SDK1: variants seen among roughly 807,000 people sequenced by gnomAD.
SDK1 encodes protein sidekick-1.
Under a neutral mutation model 245.5 loss-of-function variants are expected in SDK1, and 157 were observed. That is an observed-to-expected ratio of 0.64 (90% CI 0.56 to 0.73). The LOEUF is 0.73. Among genes scored for constraint, SDK1 ranks in the 30% least tolerant of loss-of-function variants. The probability of loss-of-function intolerance (pLI) is 0.00; values close to 1 mark genes in which losing one functional copy is unlikely to be tolerated. For missense variants in SDK1, 3,583 were observed against 3,002.3 expected (o/e 1.19, Z -4.52); for synonymous variants, 1,647 against 1,278.5 (o/e 1.29, Z -6.15).
intron 1 of SDK1, among the ~76,000 whole-genome samples, chr7:3,556,214 A>G (rs568199223): frequency 4.2e-4 from 59 of 141,306 alleles, no homozygotes; most frequent in African/African-American, 1.5e-3. Flanking sequence ...ATACATATAC[A>G]CGATGGAGTA....
At chr7:3,760,405 C>G (rs1780064069) in intron 4 of SDK1, among the ~76,000 whole-genome samples, 1 of 152,140 alleles carries the variant, frequency 6.6e-6, no homozygotes, top group Non-Finnish European at 1.5e-5. Context: ...AGCTCTTATT[C>G]TTGTGTGACT....
At position 4,265,619 on chromosome 7, in the gene SDK1, A is replaced by C; in HGVS notation, c.*235A>C. ...GTTTGTTTCTTTTTCTTTTCTTTTT[A>C]AGAGAAGGTGTATTTCACTGGTGCA... On this transcript the variant is annotated 3_prime_UTR_variant, in exon 45 of 45. Transcript: ENST00000404826. 1 of 1,325,034 alleles carries C rather than the reference A, an allele frequency of 7.5e-7. No homozygotes were observed. Among genetic ancestry groups the C allele is most frequent in the Non-Finnish European group, 9.6e-7 (1 of 1,046,090 alleles). 82.1% of individuals were successfully genotyped at this position (1,325,034 alleles called of 1,614,324 possible).
chr7:3,813,878 T>C lies in SDK1; in HGVS notation c.714-7572T>C, dbSNP rs576713058. Among the ~76,000 whole-genome samples the C allele has an allele frequency of 7.2e-3, 923 of 128,420 alleles. 12 individuals are homozygous for C. The highest frequency in any genetic ancestry group is 0.023 in the African/African-American group (705 of 30,754). 84.2% of individuals were successfully genotyped at this position (128,420 alleles called of 152,430 possible). On this transcript the variant is annotated intron_variant, in intron 4 of 44. Transcript: ENST00000404826. Reference sequence around the variant, plus strand: ...TGATGGCCAGTGATGATGAGCATTTTTTCATGTGTTTTTTGGCTGCATAAA... The same window carrying C: ...TGATGGCCAGTGATGATGAGCATTTCTTCATGTGTTTTTTGGCTGCATAAA...
intron 4 of SDK1, among the ~76,000 whole-genome samples, chr7:3,755,418 G>T (rs533298639): frequency 1.3e-5 from 2 of 152,262 alleles, no homozygotes; most frequent in South Asian, 4.2e-4. Flanking sequence ...ACACGGTCTG[G>T]CCATTGTCTG....
intron 1 of SDK1, among the ~76,000 whole-genome samples, chr7:3,477,044 C>G (rs578079796): frequency 6.6e-6 from 1 of 152,146 alleles, no homozygotes; most frequent in South Asian, 2.1e-4. Context: ...TGGAACAAGA[C>G]TGATCAAATG....
intron 1 of SDK1, among the ~76,000 whole-genome samples, chr7:3,385,378 G>T (rs1455275864): frequency 1.3e-5 from 2 of 152,198 alleles, no homozygotes; most frequent in East Asian, 3.9e-4. Context: ...TATAGGGGAA[G>T]AAAATTCCCA....
chr7:4,268,906 A>G lies in SDK1; in HGVS notation c.*3522A>G. 1 of 396,440 alleles carries G rather than the reference A, an allele frequency of 2.5e-6. No individual in the cohort carries two copies. Among genetic ancestry groups the G allele is most frequent in the Non-Finnish European group, 4.9e-6 (1 of 205,440 alleles). 24.6% of individuals were successfully genotyped at this position (396,440 alleles called of 1,614,324 possible). On this transcript the variant is annotated 3_prime_UTR_variant, in exon 45 of 45. Coordinates refer to ENST00000404826, the MANE Select transcript of SDK1 (RefSeq NM_152744.4). ...TTTTTCTGAAATTGTGCAGAAAAAC[A>G]GATCTCATTAAAAGAAAAAAAGAAA...
chr7:4,153,051 G>C (rs1389602951), intron 30 of SDK1, among the ~76,000 whole-genome samples: 1 of 152,124 alleles, frequency 6.6e-6, no homozygotes, highest in Non-Finnish European at 1.5e-5. Flanking sequence ...AGCAGTGGCT[G>C]TGCGGGCTCA....
intron 19 of SDK1, among the ~76,000 whole-genome samples, chr7:4,065,041 A>G (rs1779782311): frequency 1.3e-5 from 2 of 152,198 alleles, no homozygotes; most frequent in South Asian, 4.2e-4. Context: ...ATATTTCAAA[A>G]TACCAAGGAA....
intron 2 of SDK1, among the ~76,000 whole-genome samples, chr7:3,626,714 A>G (rs540832436): frequency 1.3e-5 from 2 of 152,322 alleles, no homozygotes; most frequent in African/African-American, 4.8e-5. Context: ...CCATCAGTGT[A>G]GTAACGCCTT....
At chr7:3,887,136 A>G (rs1170565982) in intron 5 of SDK1, among the ~76,000 whole-genome samples, 2 of 152,132 alleles carry the variant, frequency 1.3e-5, no homozygotes, top group Non-Finnish European at 2.9e-5. Context: ...TCTCACCTAT[A>G]CAGCGTCCAC....
At chr7:3,507,269 C>T (rs528519763) in intron 1 of SDK1, among the ~76,000 whole-genome samples, 1 of 152,280 alleles carries the variant, frequency 6.6e-6, no homozygotes, top group East Asian at 1.9e-4. Context: ...TACACATGTG[C>T]AGCGTAGTAT....
chr7:3,527,485 C>T (rs947918787), intron 1 of SDK1, among the ~76,000 whole-genome samples: 4 of 152,114 alleles, frequency 2.6e-5, no homozygotes, highest in Non-Finnish European at 4.4e-5. Context: ...GTCAAGAGGC[C>T]CTGAGGCTGG....
In SDK1 at chr7:4,210,079, A is replaced by C; in HGVS notation, c.5456A>C (p.Asn1819Thr). 6.2e-7 allele frequency: 1 copy of C among 1,609,596 alleles called. No homozygotes were observed. Among genetic ancestry groups the C allele is most frequent in the Admixed American group, 1.7e-5 (1 of 58,954 alleles). The stretch of plus-strand genomic sequence containing the variant: ...TCAGAAATAACCTCCACCACGCTCA[A>C]CGTGTCCTGGGGCGAGCCTGCGGCG... ...AFSEITSTTL[N>T]VSWGEPAAAN... The change falls in exon 38 of 45, where the codon AAC becomes ACC. Residue 1819 changes from asparagine (N) to threonine (T), a missense_variant. Physicochemically the swap from Asn to Thr is moderately conservative, Grantham distance 65. Transcript: ENST00000404826.
chr7:4,020,387 G>C (rs918112786), intron 17 of SDK1, among the ~76,000 whole-genome samples: 1 of 152,156 alleles, frequency 6.6e-6, no homozygotes, highest in African/African-American at 2.4e-5. Context: ...AGCCAGCCAC[G>C]CTGCCGCTGA....
intron 1 of SDK1, among the ~76,000 whole-genome samples, chr7:3,564,253 G>A (rs1244023533): frequency 2.0e-5 from 3 of 152,120 alleles, no homozygotes; most frequent in Non-Finnish European, 2.9e-5. Flanking sequence ...TGACATGATA[G>A]AGAAGGTTAA....
At chr7:3,623,207 C>T (rs1217804905) in intron 2 of SDK1, among the ~76,000 whole-genome samples, 5 of 149,718 alleles carry the variant, frequency 3.3e-5, no homozygotes, top group African/African-American at 9.8e-5. Context: ...TTGCTGTGTG[C>T]GTTACACACT....
intron 44 of SDK1, among the ~76,000 whole-genome samples, chr7:4,261,069 G>C (rs1787971671): frequency 6.6e-6 from 1 of 152,142 alleles, no homozygotes; most frequent in Admixed American, 6.5e-5. Flanking sequence ...ATTCCAGTTT[G>C]AGGTAGATTT....
At chr7:3,901,280 G>A (rs546302741) in intron 5 of SDK1, among the ~76,000 whole-genome samples, 3 of 151,818 alleles carry the variant, frequency 2.0e-5, no homozygotes, top group African/African-American at 4.8e-5. Flanking sequence ...TCCGCCTCCC[G>A]GGTTCAAGCG....
Sources: gnomAD v4.1 joint callset for allele counts (sites outside exome capture counted in the v4.1 genomes callset) on GRCh38, gnomAD v4.1.1 for gene constraint, MANE v1.5 for transcripts, NCBI Gene and HGNC (gene_info 2026-07-23, HGNC 2026-07-21) for gene names.